CASS4: variants seen among roughly 807,000 people sequenced by gnomAD.
CASS4 encodes the protein Cas scaffold protein family member 4.
A neutral mutation model predicts 54.2 loss-of-function variants in CASS4; 22 were observed. The ratio of observed to expected loss-of-function variants is 0.41; its 90% CI spans 0.29 to 0.58. The LOEUF is 0.58. Among genes scored for constraint, CASS4 ranks in the 20% least tolerant of loss-of-function variants. The pLI, the probability that CASS4 is intolerant of heterozygous loss-of-function variation, is 0.36. For missense variants in CASS4, 854 were observed against 986.7 expected, an observed-to-expected ratio of 0.87 and a Z score of 1.80; for synonymous variants, 409 against 391.5, an observed-to-expected ratio of 1.04 and a Z score of -0.53.
At chr20:56,454,304 G>T (rs529709132) in intron 5 of CASS4, among the ~76,000 whole-genome samples, 1 of 152,360 alleles carries the variant, frequency 6.6e-6, no homozygotes, top group African/African-American at 2.4e-5. Context: ...GAAGTCACTT[G>T]GGGGCTGTGT....
At position 56,454,321 on chromosome 20, in the gene CASS4, G is replaced by A. The variant is rs546954257; in HGVS notation, c.1953+1192G>A. ...AGTCACTTGGGGGCTGTGTCAAGGA[G>A]ATAATTTGCTACTTTCAGCCCCGAC... On this transcript the variant is annotated intron_variant, in intron 5 of 5. Transcript: ENST00000679887. Among the ~76,000 whole-genome samples, 154 of 152,360 alleles carry A rather than the reference G, an allele frequency of 1.0e-3. 1 individual carries two copies. Among genetic ancestry groups the A allele is most frequent in the African/African-American group, 3.5e-3 (146 of 41,586 alleles).
chr20:56,452,119 C>G lies in CASS4; in HGVS notation c.943C>G (p.Leu315Val), dbSNP rs765728156. Residue 315 changes from leucine to valine, a missense_variant, in exon 5 of 6, where the codon CTT becomes GTT. Coordinates refer to ENST00000679887, the MANE Select transcript of CASS4 (RefSeq NM_020356.4). Reference sequence around the variant, plus strand: ...TCCAGAAATTCCTTCTTATGGCTTTCTTGTACCCAGAGGCACATTTCCTTT... The same window carrying G: ...TCCAGAAATTCCTTCTTATGGCTTTGTTGTACCCAGAGGCACATTTCCTTT... ...SLPEIPSYGFLVPRGTFPLDE... is the reference protein window; with the variant it reads ...SLPEIPSYGFVVPRGTFPLDE... The G allele has an allele frequency of 1.1e-5, 18 of 1,614,096 alleles. No individual in the cohort carries two copies. Among genetic ancestry groups the G allele is most frequent in the African/African-American group, 1.3e-5 (1 of 74,928 alleles).
intron 5 of CASS4, among the ~76,000 whole-genome samples, chr20:56,458,014 C>CAAAAAAAAAAAAAAA (rs11355939): frequency 1.3e-5 from 1 of 76,532 alleles, no homozygotes; most frequent in African/African-American, 5.7e-5. Flanking sequence ...AACTCTGTCT[C>CAAAAAAAAAAAAAAA]AAAAAAAAAA....
At chr20:56,449,949 A>G (rs946576411) in intron 3 of CASS4, among the ~76,000 whole-genome samples, 1 of 152,104 alleles carries the variant, frequency 6.6e-6, no homozygotes, top group African/African-American at 2.4e-5. Context: ...TTTAAGATGA[A>G]CTCAAGATAA....
intron 1 of CASS4, among the ~76,000 whole-genome samples, chr20:56,415,825 A>T (rs1979106072): frequency 6.6e-6 from 1 of 152,274 alleles, no homozygotes; most frequent in Non-Finnish European, 1.5e-5. Context: ...CGTTGCCAGT[A>T]GAGCTGCTTT....
In CASS4 at chr20:56,459,468, G is replaced by T; in HGVS notation, c.*721G>T. On this transcript the variant is annotated 3_prime_UTR_variant, in exon 6 of 6. Transcript: ENST00000679887. ...GGTTCTTCTTCAATGTCTCCTTTTG[G>T]AGTTGTACCTGATTTTATTACCAGT... 1 of 281,088 alleles carries T rather than the reference G, an allele frequency of 3.6e-6. No homozygotes were observed. Among genetic ancestry groups the T allele is most frequent in the Non-Finnish European group, 7.4e-6 (1 of 134,582 alleles). The allele number at this position is 281,088 out of a possible 1,614,324, so 17.4% of individuals were successfully genotyped here.
At position 56,452,711 on chromosome 20, in the gene CASS4, T is replaced by C. The variant is rs1229991108; in HGVS notation, c.1535T>C (p.Leu512Pro). 6.2e-7 allele frequency: 1 copy of C among 1,614,126 alleles called. No homozygotes were observed. The highest frequency in any genetic ancestry group is 8.5e-7 in the Non-Finnish European group (1 of 1,180,010). ...GTACNLTDSN[L>P]QNRIRDQMQT... ...GCCTGTAACCTCACTGACAGTAACC[T>C]TCAGAACAGAATTCGGGACCAGATG... Residue 512 changes from leucine (L) to proline (P), a missense_variant, in exon 5 of 6, where the codon CTT becomes CCT. Transcript: ENST00000679887.
intron 1 of CASS4, among the ~76,000 whole-genome samples, chr20:56,423,493 A>C (rs925874312): frequency 7.2e-5 from 11 of 152,166 alleles, no homozygotes; most frequent in African/African-American, 2.4e-4. Flanking sequence ...TTAGAAAGTT[A>C]TATTCTATTC....
chr20:56,447,545 A>G (rs1375859846), intron 3 of CASS4, among the ~76,000 whole-genome samples: 2 of 152,184 alleles, frequency 1.3e-5, no homozygotes, highest in Non-Finnish European at 2.9e-5. Context: ...TGGCAAGCTG[A>G]TTCTTTCTCT....
rs1981060061 is a variant in CASS4, at chr20:56,452,291, T to C, written c.1115T>C (p.Val372Ala). 6.2e-7 allele frequency: 1 copy of C among 1,613,488 alleles called. No individual in the cohort carries two copies. The highest frequency in any genetic ancestry group is 1.3e-5 in the African/African-American group (1 of 74,804). The change falls in exon 5 of 6, where the codon GTG becomes GCG. Residue 372 changes from valine (V) to alanine (A), a missense_variant. Physicochemically the swap from Val to Ala is moderately conservative, Grantham distance 64. Transcript: ENST00000679887. ...AGKELEKAKEVSENSAGHNSS... is the reference protein window; with the variant it reads ...AGKELEKAKEASENSAGHNSS... ...AAGGAGCTGGAGAAAGCCAAGGAGG[T>C]GTCAGAGAATTCCGCGGGCCATAAT...
Position 56,437,225 on chromosome 20 carries a change from G to A in CASS4, c.98G>A (p.Ser33Asn), listed in dbSNP as rs1301103799. The A allele has an allele frequency of 6.2e-7, 1 of 1,609,312 alleles. No homozygotes were observed. The highest frequency in any genetic ancestry group is 1.3e-5 in the African/African-American group (1 of 75,014). Residue 33 changes from serine (S) to asparagine (N), a missense_variant, in exon 2 of 6, where the codon AGC (serine) becomes AAC (asparagine). By Grantham distance (46) the Ser-to-Asn change is conservative. Transcript: ENST00000679887. The surrounding 1 kb of genome is among the most constrained non-coding windows in gnomAD (Gnocchi z 4.7). ...GACTGCTCTGACGAGCTGGCTTTCA[G>A]CAGAGGGGACATCCTGACCATTCTG... ...CPDCSDELAF[S>N]RGDILTILEQ...
chr20:56,448,066 C>T (rs1001160129), intron 3 of CASS4, among the ~76,000 whole-genome samples: 4 of 151,258 alleles, frequency 2.6e-5, no homozygotes, highest in East Asian at 2.0e-4. Context: ...GGCGTGAACC[C>T]GGGAGGCGGA....
chr20:56,448,899 C>G (rs1024826985), intron 3 of CASS4, among the ~76,000 whole-genome samples: 1 of 152,074 alleles, frequency 6.6e-6, no homozygotes, highest in Non-Finnish European at 1.5e-5. Context: ...CAAATCAAAA[C>G]CACCATGAGC....
At position 56,458,693 on chromosome 20, in the gene CASS4, G is replaced by T. The variant is rs374797932; in HGVS notation, c.2307G>T (p.Ala769=). 1 of 1,612,276 alleles carries T rather than the reference G, an allele frequency of 6.2e-7. No homozygotes were observed. The highest frequency in any genetic ancestry group is 1.7e-5 in the Admixed American group (1 of 59,932). Reference sequence around the variant, plus strand: ...CTGCCGCGCTGGGGCACCTCCAGGCGGAGGCTGAGAAGCTGGAGCAACACA... The same window carrying T: ...CTGCCGCGCTGGGGCACCTCCAGGCTGAGGCTGAGAAGCTGGAGCAACACA... ...PSPAALGHLQ[A]EAEKLEQHTR... The change falls in exon 6 of 6, where the codon GCG becomes GCT. Residue 769 remains alanine (A), a synonymous_variant. Coordinates refer to ENST00000679887, the MANE Select transcript of CASS4 (RefSeq NM_020356.4).
chr20:56,427,630 T>C (rs1412299552), intron 1 of CASS4, among the ~76,000 whole-genome samples: 1 of 152,336 alleles, frequency 6.6e-6, no homozygotes, highest in East Asian at 1.9e-4. Context: ...TATAACAGAA[T>C]ATGTCACTGA....
intron 5 of CASS4, among the ~76,000 whole-genome samples, chr20:56,454,221 A>C (rs1981177963): frequency 6.6e-6 from 1 of 152,080 alleles, no homozygotes; most frequent in South Asian, 2.1e-4. Context: ...AGAAAGAAAT[A>C]CTTTTCTGGA....
intron 2 of CASS4, among the ~76,000 whole-genome samples, chr20:56,445,069 C>T (rs886439835): frequency 6.6e-6 from 1 of 151,800 alleles, no homozygotes; most frequent in African/African-American, 2.4e-5. Flanking sequence ...GAGATCGCGC[C>T]ATTGCACTCC....
intron 1 of CASS4, among the ~76,000 whole-genome samples, chr20:56,423,370 C>T (rs1979498548): frequency 6.6e-6 from 1 of 152,000 alleles, no homozygotes; most frequent in Admixed American, 6.6e-5. Flanking sequence ...CAATGCTCCC[C>T]ACTATATTAA....
At chr20:56,444,459 C>T (rs144489838) in intron 2 of CASS4, among the ~76,000 whole-genome samples, 10 of 152,334 alleles carry the variant, frequency 6.6e-5, no homozygotes, top group African/African-American at 2.4e-4. Flanking sequence ...AGCCTGTGCC[C>T]AGCCTATATT....
Sources: allele counts gnomAD v4.1 joint callset (sites outside exome capture counted in the v4.1 genomes callset), GRCh38; gene constraint gnomAD v4.1.1; non-coding constraint Gnocchi (gnomAD v3.1); transcripts MANE v1.5; gene names NCBI Gene and HGNC (gene_info 2026-07-23, HGNC 2026-07-21).